DLGAP1: variants seen among roughly 807,000 people sequenced by gnomAD.
The protein encoded by DLGAP1 is DLG associated protein 1, also known as disks large-associated protein 1.
Under a neutral mutation model 90.8 loss-of-function variants are expected in DLGAP1, and 11 were observed. The ratio of observed to expected loss-of-function variants is 0.12; its 90% confidence interval spans 0.08 to 0.20. DLGAP1 has a LOEUF of 0.20. DLGAP1 is among the 10% of genes least tolerant of loss of function. DLGAP1 has a pLI of 1.00. For missense variants in DLGAP1, 1,050 were observed against 1,333.8 expected, an observed-to-expected ratio of 0.79 and a Z score of 3.31; for synonymous variants, 558 against 540.7, an observed-to-expected ratio of 1.03 and a Z score of -0.44.
intron 9 of DLGAP1, among the ~76,000 whole-genome samples, chr18:3,544,211 G>A (rs1156631638): frequency 6.6e-6 from 1 of 152,144 alleles, no homozygotes; most frequent in Non-Finnish European, 1.5e-5. Flanking sequence ...CCAACATGGC[G>A]AAACCTGTCT....
intron 5 of DLGAP1, among the ~76,000 whole-genome samples, chr18:3,783,770 T>A (rs896573452): frequency 2.0e-5 from 3 of 152,224 alleles, no homozygotes; most frequent in Non-Finnish European, 4.4e-5. Context: ...ATATAGTATG[T>A]GCATTATATC....
chr18:4,421,345 C>A (rs897819735), intron 1 of DLGAP1, among the ~76,000 whole-genome samples: 1 of 152,090 alleles, frequency 6.6e-6, no homozygotes, highest in African/African-American at 2.4e-5. Flanking sequence ...AGGATACATG[C>A]AATTACACTT....
intron 5 of DLGAP1, among the ~76,000 whole-genome samples, chr18:3,769,845 G>A (rs1194661946): frequency 6.8e-6 from 1 of 146,728 alleles, no homozygotes; most frequent in Non-Finnish European, 1.5e-5. Flanking sequence ...TTACCACGGT[G>A]GGTGGGGGGG....
At chr18:3,601,845 G>GAAAAAAAA (rs1371086899) in intron 7 of DLGAP1, among the ~76,000 whole-genome samples, 1 of 10,840 alleles carries the variant, frequency 9.2e-5, no homozygotes, top group Non-Finnish European at 1.8e-4. Context: ...ACTCCATCTC[G>GAAAAAAAA]GAAAAAAAAA....
intron 1 of DLGAP1, among the ~76,000 whole-genome samples, chr18:4,188,962 T>A (rs1012319331): frequency 8.5e-5 from 13 of 152,220 alleles, no homozygotes; most frequent in Admixed American, 7.2e-4. Flanking sequence ...GATGTTGTCA[T>A]CAATGTTTTA....
intron 2 of DLGAP1, among the ~76,000 whole-genome samples, chr18:4,071,981 A>T (rs2075454177): frequency 1.3e-5 from 2 of 152,186 alleles, no homozygotes. Context: ...AAAATACAGA[A>T]TATAATGAAT....
chr18:3,676,266 A>G (rs997811042), intron 7 of DLGAP1, among the ~76,000 whole-genome samples: 2 of 152,206 alleles, frequency 1.3e-5, no homozygotes, highest in Non-Finnish European at 2.9e-5. Context: ...CCTGCTCGCT[A>G]TGTAAATGTC....
chr18:4,384,547 A>G (rs1056909388), intron 1 of DLGAP1, among the ~76,000 whole-genome samples: 10 of 152,142 alleles, frequency 6.6e-5, no homozygotes, highest in South Asian at 6.2e-4. Flanking sequence ...TAAGAGCAAT[A>G]GTGTGAGTTT....
chr18:3,940,403 T>C (rs1599190750), intron 3 of DLGAP1, among the ~76,000 whole-genome samples: 1 of 152,336 alleles, frequency 6.6e-6, no homozygotes. Flanking sequence ...TTTTAAGTTG[T>C]CAGTGTCGAG....
At chr18:3,541,624 G>A (rs1371367581) in intron 9 of DLGAP1, among the ~76,000 whole-genome samples, 1 of 152,178 alleles carries the variant, frequency 6.6e-6, no homozygotes, top group Non-Finnish European at 1.5e-5. Flanking sequence ...GCTGTCAGAT[G>A]TTGCCTCAAT....
chr18:3,951,265 A>T (rs1568316032), intron 3 of DLGAP1, among the ~76,000 whole-genome samples: 1 of 152,242 alleles, frequency 6.6e-6, no homozygotes, highest in Non-Finnish European at 1.5e-5. Context: ...ACCTCACATT[A>T]CACACATATA....
At chr18:4,440,148 A>G (rs1471172976) in intron 1 of DLGAP1, among the ~76,000 whole-genome samples, 8 of 145,196 alleles carry the variant, frequency 5.5e-5, no homozygotes, top group African/African-American at 2.0e-4. Context: ...AAAAAAATAG[A>G]GAGAGAGAAA....
At chr18:3,583,626 T>TTTC (rs1399134365) in intron 7 of DLGAP1, among the ~76,000 whole-genome samples, 1 of 152,204 alleles carries the variant, frequency 6.6e-6, no homozygotes, top group East Asian at 1.9e-4. Flanking sequence ...CTAAAGTGTC[T>TTTC]TTCTTTAGGG....
intron 9 of DLGAP1, among the ~76,000 whole-genome samples, chr18:3,537,033 C>CT (rs71366677): frequency 0.37 from 55,584 of 150,022 alleles, 10,252 homozygotes; most frequent in East Asian, 0.51. Flanking sequence ...CCCTGTATGT[C>CT]TTTTTTTTTT....
intron 3 of DLGAP1, among the ~76,000 whole-genome samples, chr18:3,880,944 GAAAAAAAA>G (rs1173817359): frequency 2.3e-4 from 9 of 38,376 alleles, no homozygotes; most frequent in South Asian, 1.3e-3. Flanking sequence ...CTCCATCTCA[GAAAAAAAA>G]AAAAAAAAAA....
chr18:3,624,533 C>T (rs2290871), intron 7 of DLGAP1, among the ~76,000 whole-genome samples: 45,836 of 152,042 alleles, frequency 0.3, 7,229 homozygotes, highest in East Asian at 0.52. Flanking sequence ...TCATTTCTGC[C>T]GCGTCATTTT....
chr18:3,622,230 A>G (rs1490519706), intron 7 of DLGAP1, among the ~76,000 whole-genome samples: 4 of 151,198 alleles, frequency 2.6e-5, no homozygotes, highest in Admixed American at 6.6e-5. Context: ...TCAGCCTCCC[A>G]AGTAGCTGGG....
At chr18:4,194,181 C>G (rs1457150190) in intron 1 of DLGAP1, among the ~76,000 whole-genome samples, 1 of 152,136 alleles carries the variant, frequency 6.6e-6, no homozygotes, top group Non-Finnish European at 1.5e-5. Flanking sequence ...CAGTAGACCA[C>G]AGGGACTACT....
chr18:3,569,137 A>G (rs654088), intron 8 of DLGAP1, among the ~76,000 whole-genome samples: 61,316 of 151,122 alleles, frequency 0.41, 14,583 homozygotes, highest in East Asian at 0.71. Context: ...GAGTAGCTGA[A>G]ATTACAGACG....
Sources: gnomAD v4.1 joint callset for allele counts (sites outside exome capture counted in the v4.1 genomes callset) on GRCh38, gnomAD v4.1.1 for gene constraint, MANE v1.5 for transcripts, NCBI Gene and HGNC (gene_info 2026-07-23, HGNC 2026-07-21) for gene names.